ZSWIM5: variants seen among roughly 807,000 people sequenced by gnomAD.
The protein encoded by ZSWIM5 is zinc finger SWIM-type containing 5, also known as zinc finger SWIM domain-containing protein 5.
ZSWIM5 carries 55 observed loss-of-function variants against 119.6 expected under a neutral mutation model. The ratio of observed to expected loss-of-function variants is 0.46; its 90% confidence interval spans 0.37 to 0.58. ZSWIM5 has a LOEUF of 0.58. Ranked by LOEUF, ZSWIM5 falls within the 20% of genes least tolerant of loss-of-function variation. ZSWIM5 has a pLI of 0.00. For synonymous variants in ZSWIM5, 537 were observed against 606.9 expected (o/e 0.88, Z 1.69); for missense variants, 1,193 against 1,512.8 (o/e 0.79, Z 3.51).
rs869224710 is a variant in ZSWIM5 at position 45,044,723 on chromosome 1, CAAAAAAAAAAAAA to C, written c.1433-1341_1433-1329del. On this transcript the variant is annotated intron_variant, in intron 5 of 13. Transcript: ENST00000359600. ...TGGGCGACAGAGCCAGACTCCGTCTCAAAAAAAAAAAAAAAAAAAAAAAATATATATATATATA... is the reference window on the plus strand; with the variant it reads ...TGGGCGACAGAGCCAGACTCCGTCTCAAAAAAAAAAATATATATATATATA... Among the ~76,000 whole-genome samples the C allele has an allele frequency of 4.5e-3, 20 of 4,400 alleles. 2 individuals carry two copies. The East Asian group carries it at 0.051, about 11-fold the overall frequency. 2.9% of individuals were successfully genotyped at this position (4,400 alleles called of 152,430 possible). A position where few individuals can be genotyped will look rare whatever the true frequency, so the allele number is the denominator to read the frequency against.
At chr1:45,055,282 G>C (rs1291409831) in intron 4 of ZSWIM5, among the ~76,000 whole-genome samples, 2 of 152,098 alleles carry the variant, frequency 1.3e-5, no homozygotes, top group African/African-American at 4.8e-5. Flanking sequence ...GAGCCACTGT[G>C]CCCGGCCAGT....
intron 1 of ZSWIM5, among the ~76,000 whole-genome samples, chr1:45,092,546 C>G (rs563703149): frequency 2.0e-5 from 2 of 98,280 alleles, no homozygotes; most frequent in African/African-American, 3.7e-5. Flanking sequence ...CCACCCCCCC[C>G]CCCCCGCCAG....
At chr1:45,143,105 G>A (rs1645737192) in intron 1 of ZSWIM5, among the ~76,000 whole-genome samples, 1 of 148,496 alleles carries the variant, frequency 6.7e-6, no homozygotes, top group Admixed American at 6.8e-5. Context: ...CTGGGAGGCA[G>A]AGGTTGCAGT....
At chr1:45,185,254 A>G (rs1646050022) in intron 1 of ZSWIM5, among the ~76,000 whole-genome samples, 1 of 150,718 alleles carries the variant, frequency 6.6e-6, no homozygotes, top group African/African-American at 2.4e-5. Context: ...TTAATTCAAG[A>G]TGGATTAAAG....
intron 1 of ZSWIM5, among the ~76,000 whole-genome samples, chr1:45,099,219 T>C (rs554163417): frequency 8.5e-4 from 130 of 152,156 alleles, no homozygotes; most frequent in African/African-American, 2.9e-3. Flanking sequence ...AAAGGGATAT[T>C]ACCACCAATC....
chr1:45,074,636 G>A (rs914112610), intron 2 of ZSWIM5, among the ~76,000 whole-genome samples: 8 of 151,478 alleles, frequency 5.3e-5, no homozygotes, highest in Non-Finnish European at 1.0e-4. Context: ...ATGGCTAAAG[G>A]TTTGTCAATT....
chr1:45,075,260 T>C (rs1232503470), intron 2 of ZSWIM5, among the ~76,000 whole-genome samples: 1 of 151,990 alleles, frequency 6.6e-6, no homozygotes, highest in Non-Finnish European at 1.5e-5. Flanking sequence ...CAATGTTTCT[T>C]TGTTGATTTT....
chr1:45,025,264 C>T (rs796818708), intron 11 of ZSWIM5, among the ~76,000 whole-genome samples: 39 of 152,256 alleles, frequency 2.6e-4, no homozygotes, highest in African/African-American at 9.1e-4. Context: ...AGTGTCAGGC[C>T]TCTGACTTGT....
At position 45,206,184 on chromosome 1, in the gene ZSWIM5, G is replaced by T; in HGVS notation, c.167C>A (p.Ala56Asp). Residue 56 changes from alanine (A) to aspartate (D), a missense_variant, in exon 1 of 14, where the codon GCC (alanine) becomes GAC (aspartate). Physicochemically the swap from Ala to Asp is moderately radical, Grantham distance 126. This residue lies in a region of ZSWIM5 where 232 missense variants were observed against 222.9 expected (regional missense o/e 1.04). Transcript: ENST00000359600. ...GVGSSCLVLG[A>D]RPHLQPDSLL... is the part of the protein sequence containing the mutation. ...GGAATCCGGCTGCAGGTGGGGGCGG[G>T]CCCCGAGGACCAGGCAGCTGCTGCC... 6.2e-7 allele frequency: 1 copy of T among 1,604,878 alleles called. No individual in the cohort carries two copies. Among genetic ancestry groups the T allele is most frequent in the Non-Finnish European group, 8.5e-7 (1 of 1,176,774 alleles).
chr1:45,107,332 C>T (rs980865931), intron 1 of ZSWIM5, among the ~76,000 whole-genome samples: 12 of 152,012 alleles, frequency 7.9e-5, no homozygotes, highest in East Asian at 7.7e-4. Flanking sequence ...ATGCATAAAA[C>T]AATTACTTTA....
At chr1:45,030,843 C>T (rs1569993971) in intron 11 of ZSWIM5, among the ~76,000 whole-genome samples, 1 of 140,384 alleles carries the variant, frequency 7.1e-6, no homozygotes, top group African/African-American at 2.7e-5. Flanking sequence ...GTCCTCCAGG[C>T]TGGAGTGTAG....
intron 2 of ZSWIM5, among the ~76,000 whole-genome samples, chr1:45,077,682 G>C (rs530396539): frequency 1.3e-4 from 20 of 152,298 alleles, no homozygotes; most frequent in South Asian, 4.1e-4. Context: ...TAATAAGCCT[G>C]GGAGCGCTAT....
At chr1:45,154,293 C>A (rs1406282715) in intron 1 of ZSWIM5, among the ~76,000 whole-genome samples, 1 of 152,098 alleles carries the variant, frequency 6.6e-6, no homozygotes, top group African/African-American at 2.4e-5. Flanking sequence ...ATAGCCAAAG[C>A]TGGACTAAGC....
chr1:45,086,995 C>T (rs1029677314), intron 2 of ZSWIM5, among the ~76,000 whole-genome samples: 7 of 151,442 alleles, frequency 4.6e-5, no homozygotes, highest in South Asian at 2.1e-4. Flanking sequence ...GCAATTCTCC[C>T]GCCTCAGCCT....
chr1:45,139,694 A>ATTTTTT (rs774168631), intron 1 of ZSWIM5, among the ~76,000 whole-genome samples: 129 of 67,240 alleles, frequency 1.9e-3, no homozygotes, highest in Middle Eastern at 0.013. Context: ...GCTTTCTTCG[A>ATTTTTT]TTTTTTTTTT....
intron 12 of ZSWIM5, 22 bp from the exon 13 acceptor site, chr1:45,020,169 C>G: frequency 6.2e-7 from 1 of 1,609,158 alleles, no homozygotes; most frequent in Non-Finnish European, 8.5e-7. Context: ...AGAGGCCTTT[C>G]CAGTGGGCTA....
At chr1:45,174,888 CTTTT>C (rs548539994) in intron 1 of ZSWIM5, among the ~76,000 whole-genome samples, 1 of 152,000 alleles carries the variant, frequency 6.6e-6, no homozygotes, top group Non-Finnish European at 1.5e-5. Context: ...CCCCAGAATA[CTTTT>C]TTTGTGTATT....
intron 5 of ZSWIM5, 118 bp from the exon 6 acceptor site, chr1:45,043,513 C>T: frequency 2.0e-6 from 2 of 991,860 alleles, no homozygotes; most frequent in Non-Finnish European, 3.0e-6. Context: ...ATAACTCTGG[C>T]AGCAGTATTG....
intron 1 of ZSWIM5, among the ~76,000 whole-genome samples, chr1:45,148,944 A>C (rs980605792): frequency 6.6e-6 from 1 of 152,204 alleles, no homozygotes; most frequent in Non-Finnish European, 1.5e-5. Flanking sequence ...GCTTAAGGGA[A>C]TAACAACAAC....
Sources: gnomAD v4.1 joint callset for allele counts (sites outside exome capture counted in the v4.1 genomes callset) on GRCh38, gnomAD v4.1.1 for gene constraint, gnomAD v4.1.1 regional missense constraint, MANE v1.5 for transcripts, NCBI Gene and HGNC (gene_info 2026-07-23, HGNC 2026-07-21) for gene names.